The following ZMYM3 variants were observed in gnomAD, a reference collection of about 807,000 sequenced individuals.
ZMYM3 encodes the protein zinc finger MYM-type protein 3.
Under a neutral mutation model 94.2 loss-of-function variants are expected in ZMYM3, and 6 were observed. The observed-to-expected ratio is 0.06, with a 90% CI of 0.03 to 0.13. ZMYM3 has a LOEUF of 0.13. ZMYM3 is among the 10% of genes least tolerant of loss of function. The pLI, the probability that ZMYM3 is intolerant of heterozygous loss-of-function variation, is 1.00. For missense variants in ZMYM3, 664 were observed against 1,132.6 expected, an observed-to-expected ratio of 0.59 and a Z score of 5.94; for synonymous variants, 420 against 426.5, an observed-to-expected ratio of 0.98 and a Z score of 0.19.
Position 71,252,744 on chromosome X carries a change from C to T in ZMYM3, c.512G>A (p.Gly171Asp). The T allele has an allele frequency of 8.3e-7, 1 of 1,210,622 alleles. No homozygotes were observed. The highest frequency in any genetic ancestry group is 1.1e-6 in the Non-Finnish European group (1 of 894,941). The change falls in exon 2 of 25, where the codon GGC becomes GAC. Residue 171 changes from glycine (G) to aspartate (D), a missense_variant. Around this residue, in one of 9 missense-constraint regions of ZMYM3, gnomAD observed 196 missense variants for 190.8 expected, o/e 1.03. Coordinates refer to ENST00000314425, the MANE Select transcript of ZMYM3 (RefSeq NM_201599.3). ...AAGCTCCTCCTCCTGCCCAGGGGAG[C>T]CCCTTCTTGCAGTAGCTATGGAGGT... The part of the protein sequence containing the change: ...ETTSIATARR[G>D]SPGQEEELPQ...
chrX:71,250,324 C>G, intron 5 of ZMYM3, 108 bp downstream of exon 5: 1 of 1,091,735 alleles, frequency 9.2e-7, no homozygotes. Context: ...CCCTACATCA[C>G]TCTCTCGCCC....
intron 18 of ZMYM3, 85 bp from the exon 19 acceptor site, chrX:71,244,978 C>A: frequency 1.2e-6 from 1 of 812,867 alleles, no homozygotes. Context: ...TACTTGCCCA[C>A]TTGACACTAG....
intron 15 of ZMYM3, 90 bp from the exon 16 acceptor site, chrX:71,246,188 A>G: frequency 9.3e-7 from 1 of 1,075,958 alleles, no homozygotes; most frequent in South Asian, 2.1e-5. Context: ...GTGTCACAAA[A>G]CTGCCCTTGA....
chrX:71,250,658 G>A lies in ZMYM3; in HGVS notation c.847C>T (p.Arg283Trp). The stretch of plus-strand genomic sequence containing the variant: ...GACATGCGAGGAGAGCGCCGGGGCC[G>A]GAATGGCACAAAGTCCTCATCATTG... ...DPNDEDFVPF[R>W]PRRSPRMSLR... is the part of the protein sequence containing the mutation. The change falls in exon 5 of 25, where the codon CGG becomes TGG. Residue 283 changes from arginine (R) to tryptophan (W), a missense_variant. By Grantham distance (101) the Arg-to-Trp change is moderately radical. Around this residue, in one of 9 missense-constraint regions of ZMYM3, gnomAD observed 45 missense variants for 92.9 expected, o/e 0.48. Transcript: ENST00000314425. 2.5e-6 allele frequency: 3 copies of A among 1,208,716 alleles called. No individual in the cohort carries two copies. Among genetic ancestry groups the A allele is most frequent in the Non-Finnish European group, 3.4e-6 (3 of 893,907 alleles).
intron 2 of ZMYM3, among the ~76,000 whole-genome samples, 174 bp downstream of exon 2, chrX:71,252,415 T>C (rs191127208): frequency 1.1e-5 from 1 of 95,097 alleles, no homozygotes; most frequent in East Asian, 3.8e-4. Context: ...TTCCTTAATC[T>C]TCCTCTACAC....
intron 13 of ZMYM3, among the ~76,000 whole-genome samples, 166 bp downstream of exon 13, chrX:71,247,179 C>T (rs1224491713): frequency 1.8e-5 from 2 of 111,845 alleles, no homozygotes; most frequent in East Asian, 2.8e-4. Flanking sequence ...AAGACTCCCC[C>T]GGTACCTGCA....
chrX:71,247,555 G>A (rs751216642), intron 12 of ZMYM3, 45 bp from the exon 13 acceptor site: 5 of 1,181,117 alleles, frequency 4.2e-6, no homozygotes, highest in Non-Finnish European at 5.7e-6. Flanking sequence ...CCTAAAATGC[G>A]TTGGGCCCTT....
At chrX:71,249,725 C>T (rs200840371) in intron 6 of ZMYM3, 46 bp from the exon 7 acceptor site, 72 of 1,181,274 alleles carry the variant, frequency 6.1e-5, no homozygotes, top group African/African-American at 1.4e-4. Context: ...TGGCCACCAC[C>T]GCCCACCCCA....
chrX:71,250,358 C>G (rs2030397419), intron 5 of ZMYM3, 74 bp downstream of exon 5: 1 of 1,118,767 alleles, frequency 8.9e-7, no homozygotes, highest in Non-Finnish European at 1.2e-6. Context: ...TAGGTTCTTA[C>G]CAACAGTCTC....
chrX:71,243,746 G>A (rs978359179), intron 21 of ZMYM3, 83 bp downstream of exon 21: 19 of 1,142,045 alleles, frequency 1.7e-5, no homozygotes, highest in Middle Eastern at 3.4e-4. Context: ...GTGAGCCACC[G>A]TGCCTAACCC....
intron 12 of ZMYM3, 74 bp from the exon 13 acceptor site, chrX:71,247,584 C>A: frequency 8.7e-7 from 1 of 1,153,589 alleles, no homozygotes; most frequent in Non-Finnish European, 1.2e-6. Context: ...CCGGGATAAG[C>A]CATGCTCCTC....
At chrX:71,251,054 G>T in intron 4 of ZMYM3, 124 bp downstream of exon 4, 2 of 719,796 alleles carry the variant, frequency 2.8e-6, no homozygotes, top group Non-Finnish European at 4.2e-6. Flanking sequence ...GCAGAGACAG[G>T]CACTTCATGC....
In ZMYM3 at chrX:71,244,322, C is replaced by G; in HGVS notation, c.3260G>C (p.Gly1087Ala). 4 of 1,209,079 alleles carry G rather than the reference C, an allele frequency of 3.3e-6. No individual in the cohort carries two copies. The highest frequency in any genetic ancestry group is 4.5e-6 in the Non-Finnish European group (4 of 894,534). The change falls in exon 20 of 25, where the codon GGT (glycine) becomes GCT (alanine). Residue 1087 changes from glycine (G) to alanine (A), a missense_variant. Physicochemically the swap from Gly to Ala is moderately conservative, Grantham distance 60. Coordinates refer to ENST00000314425, the MANE Select transcript of ZMYM3 (RefSeq NM_201599.3). Reference protein sequence around the residue: ...SKYANGETSKGDELRFGPKPM... With the variant: ...SKYANGETSKADELRFGPKPM... ...CTTACGGCCAAAGCGCAGCTCATCA[C>G]CCTTGCTGGTTTCTCCATTGGCATA...
chrX:71,246,615 C>T lies in ZMYM3; in HGVS notation c.2392G>A (p.Glu798Lys). The T allele has an allele frequency of 1.7e-6, 2 of 1,211,350 alleles. No individual in the cohort carries two copies. The highest frequency in any genetic ancestry group is 2.2e-6 in the Non-Finnish European group (2 of 895,376). The change falls in exon 14 of 25, where the codon GAA becomes AAA. Residue 798 changes from glutamate (E) to lysine (K), a missense_variant. Around this residue, in one of 9 missense-constraint regions of ZMYM3, gnomAD observed 57 missense variants for 52.0 expected, o/e 1.10. Transcript: ENST00000314425. ...CCGACCTTGCCCAAATTCCCATTTT[C>T]CTCTGGGGTCCTCACTGTGTTGCTG... ...ENSNTVRTPE[E>K]NGNLGKIPVK...
chrX:71,242,885 C>G, intron 22 of ZMYM3, 85 bp downstream of exon 22: 8 of 925,618 alleles, frequency 8.6e-6, no homozygotes, highest in Non-Finnish European at 1.1e-5. Context: ...TGAAGAGTGG[C>G]AGACCAAACA....
At position 71,249,093 on chromosome X, in the gene ZMYM3, C is replaced by T. The variant is rs1413710258; in HGVS notation, c.1547G>A (p.Arg516His). 1.4e-5 allele frequency: 17 copies of T among 1,209,937 alleles called. No homozygotes were observed. Among genetic ancestry groups the T allele is most frequent in the East Asian group, 3.0e-5 (1 of 33,774 alleles). ...KNFEMLSHVD[R>H]NGKTSLFCSL... ...ACAGAACAAGCTGGTCTTGCCATTA[C>T]GATCCACATGTGATAGCATCTCAAA... Residue 516 changes from arginine to histidine, a missense_variant, in exon 8 of 25, where the codon CGT becomes CAT. Arg to His is a conservative substitution (Grantham distance 29, BLOSUM62 0). This residue lies in a region of ZMYM3 where 159 missense variants were observed against 313.0 expected (regional missense o/e 0.51). Transcript: ENST00000314425.
chrX:71,250,143 A>G lies in ZMYM3; in HGVS notation c.1134T>C (p.His378=). Residue 378 remains histidine, a synonymous_variant, in exon 6 of 25, where the codon CAT becomes CAC. Transcript: ENST00000314425. ...VAQTGSGGSF[H]EFCTSVCLSL... is the part of the protein sequence containing the mutation. ...AGAGACAGACGGATGTGCAGAACTC[A>G]TGGAAGGAGCCTCCAGAACCAGTCT... The G allele has an allele frequency of 1.7e-6, 2 of 1,206,128 alleles. No homozygotes were observed. Among genetic ancestry groups the G allele is most frequent in the Non-Finnish European group, 2.2e-6 (2 of 893,075 alleles).
At chrX:71,250,321 T>A (rs1363085778) in intron 5 of ZMYM3, 111 bp downstream of exon 5, 1 of 1,089,474 alleles carries the variant, frequency 9.2e-7, no homozygotes, top group Non-Finnish European at 1.2e-6. Flanking sequence ...TCTCCCTACA[T>A]CACTCTCTCG....
At chrX:71,245,217 C>T in intron 18 of ZMYM3, 122 bp downstream of exon 18, 2 of 984,603 alleles carry the variant, frequency 2.0e-6, no homozygotes, top group South Asian at 2.4e-5. Flanking sequence ...CCTGTGAGAA[C>T]CTTCCGTCTT....
Sources: gnomAD v4.1 joint callset for allele counts (sites outside exome capture counted in the v4.1 genomes callset) on GRCh38, gnomAD v4.1.1 for gene constraint, gnomAD v4.1.1 regional missense constraint, MANE v1.5 for transcripts, NCBI Gene and HGNC (gene_info 2026-07-23, HGNC 2026-07-21) for gene names.